The following SLC16A12 variants were observed in gnomAD, a reference collection of about 807,000 sequenced individuals.
The protein encoded by SLC16A12 is monocarboxylate transporter 12.
Under a neutral mutation model 42.4 loss-of-function variants are expected in SLC16A12, and 17 were observed. The ratio of observed to expected loss-of-function variants is 0.40; its 90% CI spans 0.27 to 0.60. The LOEUF (loss-of-function observed/expected upper bound fraction) is 0.60. Among genes scored for constraint, SLC16A12 ranks in the 20% least tolerant of loss-of-function variants. The probability of loss-of-function intolerance (pLI) is 0.42; values close to 1 mark genes in which losing one functional copy is unlikely to be tolerated. For missense variants in SLC16A12, 544 were observed against 623.0 expected (o/e 0.87, Z 1.35); for synonymous variants, 224 against 229.4 (o/e 0.98, Z 0.21).
At chr10:89,555,691 A>G (rs1041141567) in intron 2 of SLC16A12, among the ~76,000 whole-genome samples, 2 of 118,890 alleles carry the variant, frequency 1.7e-5, no homozygotes, top group African/African-American at 6.9e-5. Context: ...ATATACACAC[A>G]TATATACATA....
chr10:89,512,088 G>A (rs1038969427), intron 2 of SLC16A12, among the ~76,000 whole-genome samples: 3 of 152,134 alleles, frequency 2.0e-5, no homozygotes, highest in Admixed American at 6.5e-5. Flanking sequence ...CTTACGTGAG[G>A]TCCTTAGGGT....
At position 89,433,324 on chromosome 10, in the gene SLC16A12, G is replaced by A. The variant is rs200476766; in HGVS notation, c.1291C>T (p.Arg431Trp). Residue 431 changes from arginine to tryptophan, a missense_variant and splice_region_variant, in exon 8 of 8, where the codon CGG (arginine) becomes TGG (tryptophan). Arg to Trp is a moderately radical substitution (Grantham distance 101). Coordinates refer to ENST00000371790, the MANE Select transcript of SLC16A12 (RefSeq NM_213606.4). The stretch of plus-strand genomic sequence containing the variant: ...TAGCTGCCGGTGGTATCTACCAGCC[G>A]TCCTGTAACAAACAACAGCAAAATT... The part of the protein sequence containing the change: ...PYLVSPPIAG[R>W]LVDTTGSYTA... 393 of 1,613,564 alleles carry A rather than the reference G, an allele frequency of 2.4e-4. No individual in the cohort carries two copies. The highest frequency in any genetic ancestry group is 3.0e-4 in the Non-Finnish European group (356 of 1,179,968).
At chr10:89,498,820 C>T (rs1024417864) in intron 2 of SLC16A12, among the ~76,000 whole-genome samples, 8 of 152,160 alleles carry the variant, frequency 5.3e-5, no homozygotes, top group Admixed American at 4.6e-4. Context: ...GTGCAGACAA[C>T]CCCCTGTACC....
At chr10:89,505,435 A>G (rs1334676661) in intron 2 of SLC16A12, among the ~76,000 whole-genome samples, 1 of 152,044 alleles carries the variant, frequency 6.6e-6, no homozygotes, top group South Asian at 2.1e-4. Flanking sequence ...AAAACAAAAA[A>G]ACAAAAAAAA....
chr10:89,459,255 G>A (rs576978307), intron 3 of SLC16A12, among the ~76,000 whole-genome samples: 1 of 152,024 alleles, frequency 6.6e-6, no homozygotes, highest in Admixed American at 6.5e-5. Flanking sequence ...ATGACAGCTC[G>A]CTGGATATTA....
Position 89,462,777 on chromosome 10 carries a change from G to A in SLC16A12, c.-46-153C>T, listed in dbSNP as rs1440899309. 4 of 791,538 alleles carry A rather than the reference G, an allele frequency of 5.1e-6. No homozygotes were observed. The African/African-American group carries it at 7.0e-5, about 14-fold the overall frequency. The allele number at this position is 791,538 out of a possible 1,614,324, so 49.0% of individuals were successfully genotyped here. On this transcript the variant is annotated intron_variant, in intron 2 of 7. Transcript: ENST00000371790. ...CTGGGGCAGACTATTTGTTGTCCTT[G>A]GTACATGCTTTCTTTTTTAAAAATA...
intron 2 of SLC16A12, among the ~76,000 whole-genome samples, chr10:89,513,565 TATA>T (rs1315125015): frequency 6.6e-6 from 1 of 152,232 alleles, no homozygotes; most frequent in Non-Finnish European, 1.5e-5. Flanking sequence ...TAATAACAAA[TATA>T]ATGATTAATA....
In SLC16A12 at chr10:89,491,030, A is replaced by T. The variant is rs560383552; in HGVS notation, c.-46-28406T>A. ...GCCCCTATCACTCATATTAACACTT[A>T]TGAAATTCCAAGAGTTTTAGGCAGC... On this transcript the variant is annotated intron_variant, in intron 2 of 7. Coordinates refer to ENST00000371790, the MANE Select transcript of SLC16A12 (RefSeq NM_213606.4). Among the ~76,000 whole-genome samples, 216 of 152,352 alleles carry T rather than the reference A, an allele frequency of 1.4e-3. 1 individual carries two copies. The highest frequency in any genetic ancestry group is 5.1e-3 in the African/African-American group (210 of 41,584).
intron 2 of SLC16A12, among the ~76,000 whole-genome samples, chr10:89,482,491 C>T (rs1349174705): frequency 6.6e-6 from 1 of 152,052 alleles, no homozygotes; most frequent in Non-Finnish European, 1.5e-5. Flanking sequence ...AGTTAAGAGT[C>T]TAATAGATGC....
intron 2 of SLC16A12, among the ~76,000 whole-genome samples, chr10:89,486,483 T>G (rs1383072908): frequency 1.3e-5 from 2 of 150,488 alleles, no homozygotes; most frequent in Admixed American, 1.3e-4. Flanking sequence ...TCCCAGCTAC[T>G]CAGGAGACTG....
intron 3 of SLC16A12, among the ~76,000 whole-genome samples, chr10:89,459,063 G>A (rs1161647745): frequency 2.6e-5 from 4 of 152,178 alleles, no homozygotes; most frequent in Non-Finnish European, 5.9e-5. Flanking sequence ...AGGAATACCT[G>A]TTCCTCTGCA....
intron 2 of SLC16A12, among the ~76,000 whole-genome samples, chr10:89,494,596 A>T (rs138657020): frequency 2.0e-4 from 31 of 152,332 alleles, no homozygotes; most frequent in Non-Finnish European, 2.4e-4. Context: ...AGAGAACAGG[A>T]GAGAACATAA....
chr10:89,486,607 G>GAAAGAAAGAAAGA (rs1564585790), intron 2 of SLC16A12, among the ~76,000 whole-genome samples: 2 of 23,926 alleles, frequency 8.4e-5, no homozygotes, highest in African/African-American at 3.7e-4. Context: ...AAAAAAAAAA[G>GAAAGAAAGAAAGA]AAAGAAAGAA....
chr10:89,442,030 T>G lies in SLC16A12; in HGVS notation c.305-779A>C, dbSNP rs1226676067. On this transcript the variant is annotated intron_variant, in intron 4 of 7. Transcript: ENST00000371790. ...GGGTCTCTCAGACTAATGGCAGGAG[T>G]GATGGGTGAGGAAGGCATGTGAATT... Among the ~76,000 whole-genome samples the G allele has an allele frequency of 3.9e-5, 6 of 152,134 alleles. No individual in the cohort carries two copies. The East Asian group carries it at 1.2e-3, about 29-fold the overall frequency.
chr10:89,461,330 CAAAAT>C (rs1842295816), intron 3 of SLC16A12, among the ~76,000 whole-genome samples: 2 of 152,116 alleles, frequency 1.3e-5, no homozygotes, highest in East Asian at 3.8e-4. Flanking sequence ...AGCCAAAATG[CAAAAT>C]AAAGCAAAAT....
intron 2 of SLC16A12, among the ~76,000 whole-genome samples, chr10:89,526,712 G>A (rs1843459318): frequency 1.3e-5 from 2 of 152,226 alleles, no homozygotes; most frequent in African/African-American, 2.4e-5. Flanking sequence ...GATAGCAGAA[G>A]GGGCCACCAG....
At chr10:89,553,095 C>G (rs1458901783) in intron 2 of SLC16A12, among the ~76,000 whole-genome samples, 3 of 152,248 alleles carry the variant, frequency 2.0e-5, no homozygotes, top group South Asian at 2.1e-4. Context: ...CTTCACCACA[C>G]CCGCATGCCT....
At chr10:89,479,578 C>G (rs1437630784) in intron 2 of SLC16A12, among the ~76,000 whole-genome samples, 1 of 152,162 alleles carries the variant, frequency 6.6e-6, no homozygotes, top group African/African-American at 2.4e-5. Flanking sequence ...GTTTCTACCT[C>G]TAAATTGGCT....
At chr10:89,521,512 A>T (rs1467883756) in intron 2 of SLC16A12, among the ~76,000 whole-genome samples, 1 of 152,250 alleles carries the variant, frequency 6.6e-6, no homozygotes, top group Non-Finnish European at 1.5e-5. Flanking sequence ...CTGGTTTCCC[A>T]TCACATGGCT....
Sources: gnomAD v4.1 joint callset for allele counts (sites outside exome capture counted in the v4.1 genomes callset) on GRCh38, gnomAD v4.1.1 for gene constraint, MANE v1.5 for transcripts, NCBI Gene and HGNC (gene_info 2026-07-23, HGNC 2026-07-21) for gene names.